ARHGEF10L: variants seen among roughly 807,000 people sequenced by gnomAD.
ARHGEF10L encodes the protein Rho guanine nucleotide exchange factor 10 like.
A neutral mutation model predicts 141.2 loss-of-function variants in ARHGEF10L; 69 were observed. That is an observed-to-expected ratio of 0.49 (90% CI 0.40 to 0.60). ARHGEF10L has a LOEUF of 0.60. ARHGEF10L is among the 20% of genes least tolerant of loss of function. The pLI, the probability that ARHGEF10L is intolerant of heterozygous loss-of-function variation, is 0.00. For synonymous variants in ARHGEF10L, 711 were observed against 718.5 expected (o/e 0.99, Z 0.17); for missense variants, 1,482 against 1,734.3 (o/e 0.85, Z 2.58).
intron 4 of ARHGEF10L, among the ~76,000 whole-genome samples, chr1:17,601,413 C>G (rs1272685590): frequency 2.6e-5 from 4 of 152,192 alleles, no homozygotes; most frequent in Non-Finnish European, 5.9e-5. Context: ...AGCTCTACCT[C>G]CCACTTACAG....
intron 4 of ARHGEF10L, among the ~76,000 whole-genome samples, chr1:17,596,340 A>G (rs957706895): frequency 6.6e-6 from 1 of 152,200 alleles, no homozygotes; most frequent in Non-Finnish European, 1.5e-5. Context: ...TGATCGGGCC[A>G]TCATGCTGGG....
chr1:17,649,609 A>G (rs2061796115), intron 22 of ARHGEF10L, among the ~76,000 whole-genome samples: 1 of 152,236 alleles, frequency 6.6e-6, no homozygotes, highest in South Asian at 2.1e-4. Flanking sequence ...TACAGTGGTG[A>G]CTAAGACATA....
intron 1 of ARHGEF10L, among the ~76,000 whole-genome samples, chr1:17,554,595 T>TC: frequency 6.8e-6 from 1 of 147,094 alleles, no homozygotes; most frequent in Non-Finnish European, 1.5e-5. Flanking sequence ...TTTTTTTTTT[T>TC]TTTTTTTTTT....
rs974028421 is a variant in ARHGEF10L at position 17,656,513 on chromosome 1, G to A, written c.2706-41G>A. 6.3e-6 allele frequency: 10 copies of A among 1,585,296 alleles called. No individual in the cohort carries two copies. The highest frequency in any genetic ancestry group is 3.4e-5 in the Admixed American group (2 of 59,142). ...ATGGGGGCAGTGAGTGGGTGGGAGT[G>A]CTCAGTGTGTCATGACCGCTTCTCC... On this transcript the variant is annotated intron_variant, in intron 24 of 28. Coordinates refer to ENST00000361221, the MANE Select transcript of ARHGEF10L (RefSeq NM_018125.4). This position sits in a 1 kb window ranked among gnomAD's most constrained non-coding sequence, Gnocchi z 4.9.
chr1:17,622,476 G>A (rs868335812), intron 11 of ARHGEF10L, among the ~76,000 whole-genome samples: 4 of 152,100 alleles, frequency 2.6e-5, no homozygotes, highest in Non-Finnish European at 5.9e-5. Flanking sequence ...TTTTCCGGGC[G>A]GTTGTGGGCT....
Position 17,656,730 on chromosome 1 carries a change from G to A in ARHGEF10L, c.2860+22G>A, listed in dbSNP as rs753487857. 1.9e-6 allele frequency: 3 copies of A among 1,603,146 alleles called. No individual in the cohort carries two copies. Among genetic ancestry groups the A allele is most frequent in the Admixed American group, 3.3e-5 (2 of 59,742 alleles). ...AGCGGTGAGGACTGGGGGGAATGGG[G>A]GAAGGGGGGCAGTCCTGGATGCCAG... is the stretch of plus-strand genomic sequence containing the variant. On this transcript the variant is annotated intron_variant, in intron 25 of 28. Coordinates refer to ENST00000361221, the MANE Select transcript of ARHGEF10L (RefSeq NM_018125.4). This position sits in a 1 kb window ranked among gnomAD's most constrained non-coding sequence, Gnocchi z 4.9.
rs774330708 is a variant in ARHGEF10L, at chr1:17,634,536, CT to C, written c.1731-6del. On this transcript the variant is annotated splice_polypyrimidine_tract_variant and intron_variant, in intron 16 of 28. Coordinates refer to ENST00000361221, the MANE Select transcript of ARHGEF10L (RefSeq NM_018125.4). ...ATAACAATCTCCCTTTCCTTCTTGT[CT>C]TTTTTCCCAGGCCTGCCAACCACAG... 24 of 1,614,138 alleles carry C rather than the reference CT, an allele frequency of 1.5e-5. No homozygotes were observed. The highest frequency in any genetic ancestry group is 2.0e-5 in the Non-Finnish European group (24 of 1,180,002).
At chr1:17,667,878 T>C (rs2063082017) in intron 26 of ARHGEF10L, among the ~76,000 whole-genome samples, 1 of 152,156 alleles carries the variant, frequency 6.6e-6, no homozygotes, top group Non-Finnish European at 1.5e-5. Flanking sequence ...AGCCCTTGCC[T>C]GTGTCCCGGC....
the ARHGEF10L span, among the ~76,000 whole-genome samples, chr1:17,533,700 C>A: frequency 6.6e-6 from 1 of 152,122 alleles, no homozygotes; most frequent in African/African-American, 2.4e-5. Context: ...TCCCAGCCCC[C>A]CTCAAAATGC....
chr1:17,556,666 G>A lies in ARHGEF10L; in HGVS notation c.-44+16716G>A, dbSNP rs1286839193. The stretch of plus-strand genomic sequence containing the variant: ...AACTGAGAGCTAGTAATTCTCATAT[G>A]TTAATGTGAGCCAGGGTCACCCAGA... On this transcript the variant is annotated intron_variant, in intron 1 of 28. Coordinates refer to ENST00000361221, the MANE Select transcript of ARHGEF10L (RefSeq NM_018125.4). Among the ~76,000 whole-genome samples, 3 of 152,322 alleles carry A rather than the reference G, an allele frequency of 2.0e-5. No homozygotes were observed. The East Asian group carries it at 5.8e-4, about 29-fold the overall frequency.
rs1426807208 is a variant in ARHGEF10L at position 17,673,275 on chromosome 1, G to A, written c.3009+8680G>A. Among the ~76,000 whole-genome samples, 2 of 151,976 alleles carry A rather than the reference G, an allele frequency of 1.3e-5. No individual in the cohort carries two copies. The highest frequency in any genetic ancestry group is 2.9e-5 in the Non-Finnish European group (2 of 67,996). ...TCTTAGCTGGTAGCAGCCAGCCCCC[G>A]ATCCTCGCCTCCCCTCCACTCTGTG... is the stretch of plus-strand genomic sequence containing the variant. On this transcript the variant is annotated intron_variant, in intron 26 of 28. Coordinates refer to ENST00000361221, the MANE Select transcript of ARHGEF10L (RefSeq NM_018125.4). This position sits in a 1 kb window ranked among gnomAD's most constrained non-coding sequence, Gnocchi z 4.1.
chr1:17,517,104 C>T, the ARHGEF10L span, among the ~76,000 whole-genome samples: 2,271 of 152,272 alleles, frequency 0.015, 58 homozygotes, highest in African/African-American at 0.052. Flanking sequence ...TCCCGTGCTC[C>T]AGGACTTTTC....
intron 3 of ARHGEF10L, 46 bp downstream of exon 3, chr1:17,587,691 T>C (rs1417986883): frequency 1.3e-6 from 2 of 1,556,188 alleles, no homozygotes; most frequent in East Asian, 4.6e-5. Context: ...ACAGGGAGCA[T>C]GGAGAACTGG....
At chr1:17,602,839 G>T (rs1417629506) in intron 5 of ARHGEF10L, among the ~76,000 whole-genome samples, 3 of 151,854 alleles carry the variant, frequency 2.0e-5, no homozygotes, top group South Asian at 2.1e-4. Flanking sequence ...TTGCACTGGG[G>T]TGGGGGCAGT....
At chr1:17,636,428 CA>C (rs2061006441) in intron 18 of ARHGEF10L, among the ~76,000 whole-genome samples, 1 of 152,204 alleles carries the variant, frequency 6.6e-6, no homozygotes, top group Admixed American at 6.5e-5. Flanking sequence ...AATAAAGCTA[CA>C]AAACCATAAC....
intron 7 of ARHGEF10L, among the ~76,000 whole-genome samples, chr1:17,609,840 G>T (rs1217973430): frequency 2.6e-5 from 4 of 152,208 alleles, no homozygotes; most frequent in African/African-American, 9.6e-5. Context: ...GCTTCCTGCA[G>T]TTCAGAAGGG....
chr1:17,634,970 C>T lies in ARHGEF10L; in HGVS notation c.1881C>T (p.Ile627=). Residue 627 remains isoleucine (I), a synonymous_variant, in exon 18 of 29, where the codon ATC becomes ATT. Transcript: ENST00000361221. ...CCTATGACAAGGACAATGTGCTCAT[C>T]CAGCACTCAGGCGCCAAGAAGGCCT... is the stretch of plus-strand genomic sequence containing the variant. ...GGTYDKDNVL[I]QHSGAKKASA... 1 of 1,614,078 alleles carries T rather than the reference C, an allele frequency of 6.2e-7. No individual in the cohort carries two copies. The highest frequency in any genetic ancestry group is 8.5e-7 in the Non-Finnish European group (1 of 1,179,962).
At chr1:17,519,637 TCCATCATGGCCAACCTGGTGAAACC>T in the ARHGEF10L span, among the ~76,000 whole-genome samples, 26 of 151,540 alleles carry the variant, frequency 1.7e-4, 1 homozygote, top group African/African-American at 6.1e-4. Flanking sequence ...AGGAGGAAAC[TCCATCATGGCCAACCTGGTGAAACC>T]CCATCTCTGC....
chr1:17,532,495 C>A, the ARHGEF10L span, among the ~76,000 whole-genome samples: 1 of 152,284 alleles, frequency 6.6e-6, no homozygotes, highest in Middle Eastern at 3.4e-3. Context: ...GGGGTTTGGC[C>A]TGCTGGGTAG....
Sources: gnomAD v4.1 joint callset for allele counts (sites outside exome capture counted in the v4.1 genomes callset) on GRCh38, gnomAD v4.1.1 for gene constraint, Gnocchi (gnomAD v3.1) non-coding constraint, MANE v1.5 for transcripts, NCBI Gene and HGNC (gene_info 2026-07-23, HGNC 2026-07-21) for gene names.